Variants in EHMT2 observed in about 807,000 individuals in gnomAD.
EHMT2 encodes histone-lysine N-methyltransferase EHMT2.
Under a neutral mutation model 143.3 loss-of-function variants are expected in EHMT2, and 59 were observed. That is an observed-to-expected ratio of 0.41 (90% CI 0.33 to 0.51). EHMT2 has a LOEUF of 0.51. Ranked by LOEUF, EHMT2 falls within the 20% of genes least tolerant of loss-of-function variation. The pLI, the probability that EHMT2 is intolerant of heterozygous loss-of-function variation, is 0.18. For missense variants in EHMT2, 1,174 were observed against 1,645.9 expected, an observed-to-expected ratio of 0.71 and a Z score of 4.96; for synonymous variants, 604 against 651.5, an observed-to-expected ratio of 0.93 and a Z score of 1.11.
At chr6:31,892,475 C>T in exon 7 of EHMT2, 2 of 1,613,036 alleles carry the variant, frequency 1.2e-6, no homozygotes. Context: ...TCATCACCCA[C>T]CACCGTCTCC....
rs1449901705 is a variant in EHMT2, at chr6:31,897,050, G to A, written c.43-61C>T. 4.0e-6 allele frequency: 6 copies of A among 1,511,026 alleles called. No individual in the cohort carries two copies. In the South Asian group the frequency reaches 4.0e-5, roughly 10 times the overall value. The allele number at this position is 1,511,026 out of a possible 1,614,324, so 93.6% of individuals were successfully genotyped here. ...GCCCAGTAGAGAGTTGGGGGGTCCA[G>A]GATGCCTGGGCCCTGGGAAGAGAGA... On this transcript the variant is annotated intron_variant, in intron 1 of 27. Transcript: ENST00000375537.
In EHMT2 at chr6:31,880,010, TGC is replaced by T; in HGVS notation, c.*72_*73del. ...GATGGCAGCACCCCCAGGCATGGGC[TGC>T]GAGCAGCTGGTGGCAGAGGAGGCGG... On this transcript the variant is annotated 3_prime_UTR_variant, in exon 28 of 28. Coordinates refer to ENST00000375537, the Ensembl canonical transcript of EHMT2. This position sits in a 1 kb window ranked among gnomAD's most constrained non-coding sequence, Gnocchi z 6.6. 1 of 1,528,592 alleles carries T rather than the reference TGC, an allele frequency of 6.5e-7. No homozygotes were observed. Among genetic ancestry groups the T allele is most frequent in the Non-Finnish European group, 8.9e-7 (1 of 1,120,586 alleles). 94.7% of individuals were successfully genotyped at this position (1,528,592 alleles called of 1,614,324 possible).
intron 1 of EHMT2, 52 bp downstream of exon 1, chr6:31,897,584 C>T: frequency 1.8e-6 from 2 of 1,125,122 alleles, no homozygotes; most frequent in Non-Finnish European, 1.1e-6. Context: ...CGCGCGCTTC[C>T]CCCGGGCGCG....
chr6:31,896,403 C>T, exon 4 of EHMT2: 1 of 1,613,018 alleles, frequency 6.2e-7, no homozygotes, highest in Non-Finnish European at 8.5e-7. Context: ...AGCCTCATAG[C>T]CAAACTCTGG....
In EHMT2 at chr6:31,893,488, C is replaced by T. The variant is rs533039661; in HGVS notation, c.583-578G>A. ...ACATGTCACAATGCCTAACTAATGT[C>T]TTCTTAATTTTTTTTTTTGGTAGAG... On this transcript the variant is annotated intron_variant, in intron 4 of 27. Transcript: ENST00000375537. The T allele has an allele frequency of 2.5e-4, 88 of 352,788 alleles. 1 individual carries two copies. The highest frequency in any genetic ancestry group is 1.8e-3 in the South Asian group (87 of 47,422). The allele number at this position is 352,788 out of a possible 1,614,324, so 21.9% of individuals were successfully genotyped here. A position where few individuals can be genotyped will look rare whatever the true frequency, so the allele number is the denominator to read the frequency against.
Position 31,889,347 on chromosome 6 carries a change from G to C in EHMT2, c.1000-5C>G, listed in dbSNP as rs1341939977. The C allele has an allele frequency of 6.2e-7, 1 of 1,611,680 alleles. No individual in the cohort carries two copies. The highest frequency in any genetic ancestry group is 1.7e-5 in the Admixed American group (1 of 59,968). On this transcript the variant is annotated splice_polypyrimidine_tract_variant and splice_region_variant and intron_variant, in intron 8 of 27. Transcript: ENST00000375537. The surrounding 1 kb of genome is among the most constrained non-coding windows in gnomAD (Gnocchi z 5.1). ...GCGCCGGCCACTGGAACCACTCTGG[G>C]AAGGGGGAGGAGGAGGAGTTAGGAA...
chr6:31,890,542 C>A (rs1020337333), intron 7 of EHMT2, among the ~76,000 whole-genome samples: 1 of 150,114 alleles, frequency 6.7e-6, no homozygotes, highest in Non-Finnish European at 1.5e-5. Flanking sequence ...TGAGCCACCA[C>A]GCCTGGGCCA....
chr6:31,894,945 C>T (rs564790543), intron 4 of EHMT2, among the ~76,000 whole-genome samples: 9 of 152,326 alleles, frequency 5.9e-5, no homozygotes, highest in African/African-American at 2.2e-4. Context: ...CCACGCCTGG[C>T]CTACTGTTAG....
At chr6:31,894,724 C>T (rs1016503339) in intron 4 of EHMT2, among the ~76,000 whole-genome samples, 13 of 152,308 alleles carry the variant, frequency 8.5e-5, no homozygotes, top group African/African-American at 1.9e-4. Context: ...CGCAGTGGCG[C>T]GATCTTGGCT....
Position 31,883,357 on chromosome 6 carries a change from C to T in EHMT2, c.2994+5G>A. ...GTGTCTGTGGCCAAGGCAAGGGGCA[C>T]GCACCTTGTCATACCAGCACCGGAT... is the stretch of plus-strand genomic sequence containing the variant. On this transcript the variant is annotated splice_donor_5th_base_variant and intron_variant, in intron 23 of 27. Transcript: ENST00000375537. The surrounding 1 kb of genome is among the most constrained non-coding windows in gnomAD (Gnocchi z 5.6). 18 of 1,612,566 alleles carry T rather than the reference C, an allele frequency of 1.1e-5. No individual in the cohort carries two copies. The highest frequency in any genetic ancestry group is 1.4e-5 in the Non-Finnish European group (16 of 1,179,694).
At position 31,880,389 on chromosome 6, in the gene EHMT2, C is replaced by G; in HGVS notation, c.3453-125G>C. Reference sequence around the variant, plus strand: ...CCAACCTATCTTCTCCAGATGGGATCTGAGCCCCTTGTATGTTCTATGGAC... The same window carrying G: ...CCAACCTATCTTCTCCAGATGGGATGTGAGCCCCTTGTATGTTCTATGGAC... On this transcript the variant is annotated intron_variant, in intron 27 of 27. Coordinates refer to ENST00000375537, the Ensembl canonical transcript of EHMT2. This position sits in a 1 kb window ranked among gnomAD's most constrained non-coding sequence, Gnocchi z 6.6. 8.9e-7 allele frequency: 1 copy of G among 1,123,196 alleles called. No individual in the cohort carries two copies. Among genetic ancestry groups the G allele is most frequent in the Non-Finnish European group, 1.3e-6 (1 of 797,096 alleles). The allele number at this position is 1,123,196 out of a possible 1,614,324, so 69.6% of individuals were successfully genotyped here. A position where few individuals can be genotyped will look rare whatever the true frequency, so the allele number is the denominator to read the frequency against.
chr6:31,893,264 G>A (rs1379148749), intron 4 of EHMT2: 6 of 476,466 alleles, frequency 1.3e-5, no homozygotes, highest in Non-Finnish European at 2.4e-5. Context: ...ACAGATGAAT[G>A]GATAAGCAAA....
rs770022478 is a variant in EHMT2, at chr6:31,880,783, C to T, written c.3342G>A (p.Leu1114=). 3 of 1,613,850 alleles carry T rather than the reference C, an allele frequency of 1.9e-6. No individual in the cohort carries two copies. The African/African-American group carries it at 4.0e-5, about 22-fold the overall frequency. Residue 1114 remains leucine (L), a synonymous_variant, in exon 27 of 28, where the codon CTG becomes CTA. Coordinates refer to ENST00000375537, the Ensembl canonical transcript of EHMT2. The surrounding 1 kb of genome is among the most constrained non-coding windows in gnomAD (Gnocchi z 6.6). ...GGACGGGAATGATGTTGGGGTCACACAGGTGGTTGATGAAGCGGCTGATGT... is the reference window on the plus strand; with the variant it reads ...GGACGGGAATGATGTTGGGGTCACATAGGTGGTTGATGAAGCGGCTGATGT...
At chr6:31,897,017 G>A (rs779292916) in intron 1 of EHMT2, 28 bp from the exon 2 acceptor site, 4 of 1,547,514 alleles carry the variant, frequency 2.6e-6, no homozygotes, top group Non-Finnish European at 3.5e-6. Context: ...GGACAGGAGG[G>A]CTGGTCAGCC....
rs763791415 is a variant in EHMT2 at position 31,889,436 on chromosome 6, C to T, written c.999+32G>A. The stretch of plus-strand genomic sequence containing the variant: ...AGACCTCCAGCCCCATAGTCTCCCA[C>T]TCCTCTGGAGATATCAGCCTCCGTC... On this transcript the variant is annotated intron_variant, in intron 8 of 27. Transcript: ENST00000375537. The surrounding 1 kb of genome is among the most constrained non-coding windows in gnomAD (Gnocchi z 5.1). 2.2e-5 allele frequency: 35 copies of T among 1,610,102 alleles called. No homozygotes were observed. The highest frequency in any genetic ancestry group is 2.8e-5 in the Non-Finnish European group (33 of 1,178,390).
rs1765121161 is a variant in EHMT2 at position 31,888,011 on chromosome 6, A to G, written c.1745+30T>C. Reference sequence around the variant, plus strand: ...AGGAGCAATAGGGGTGGGGGAGGGAACAGACAGTACAGAAGGGGGAGGCCA... The same window carrying G: ...AGGAGCAATAGGGGTGGGGGAGGGAGCAGACAGTACAGAAGGGGGAGGCCA... On this transcript the variant is annotated intron_variant, in intron 13 of 27. Transcript: ENST00000375537. This position sits in a 1 kb window ranked among gnomAD's most constrained non-coding sequence, Gnocchi z 7.4. The G allele has an allele frequency of 1.3e-6, 2 of 1,564,770 alleles. No individual in the cohort carries two copies. The highest frequency in any genetic ancestry group is 1.2e-5 in the South Asian group (1 of 84,224).
At chr6:31,897,320 G>A in intron 1 of EHMT2, 1 of 534,612 alleles carries the variant, frequency 1.9e-6, no homozygotes, top group Non-Finnish European at 2.8e-6. Flanking sequence ...GGGGACCCCG[G>A]GCACCAACCC....
chr6:31,883,921 G>A lies in EHMT2; in HGVS notation c.2801C>T (p.Pro934Leu). The stretch of plus-strand genomic sequence containing the variant: ...ATCCACACCGTTGACACAGGGAATG[G>A]GCACGTTCTCATAGCCCCGAGCCAC... Residue 934 changes from proline to leucine, a missense_variant, in exon 22 of 28, where the codon CCC becomes CTC. By Grantham distance (98) the Pro-to-Leu change is moderately conservative. Coordinates refer to ENST00000375537, the Ensembl canonical transcript of EHMT2. The surrounding 1 kb of genome is among the most constrained non-coding windows in gnomAD (Gnocchi z 5.6). 1.2e-6 allele frequency: 2 copies of A among 1,613,950 alleles called. No homozygotes were observed. Among genetic ancestry groups the A allele is most frequent in the Non-Finnish European group, 1.7e-6 (2 of 1,179,956 alleles).
exon 18 of EHMT2, chr6:31,886,646 T>G: frequency 6.2e-7 from 1 of 1,613,796 alleles, no homozygotes; most frequent in South Asian, 1.1e-5. Flanking sequence ...TTCCCGATTT[T>G]GGCTGCGTGG....
Sources: allele counts gnomAD v4.1 joint callset (sites outside exome capture counted in the v4.1 genomes callset), GRCh38; gene constraint gnomAD v4.1.1; non-coding constraint Gnocchi (gnomAD v3.1); transcripts MANE v1.5; gene names NCBI Gene and HGNC (gene_info 2026-07-23, HGNC 2026-07-21).